The following TRIP12 variants were observed in gnomAD, a reference collection of about 807,000 sequenced individuals.
TRIP12 encodes the protein thyroid hormone receptor interactor 12.
Under a neutral mutation model 244.2 loss-of-function variants are expected in TRIP12, and 25 were observed. The ratio of observed to expected loss-of-function variants is 0.10; its 90% CI spans 0.07 to 0.14. TRIP12 has a LOEUF of 0.14. Ranked by LOEUF, TRIP12 falls within the 10% of genes least tolerant of loss-of-function variation. TRIP12 has a pLI of 1.00. For missense variants in TRIP12, 1,677 were observed against 2,486.4 expected (o/e 0.67, Z 6.92); for synonymous variants, 905 against 873.1 (o/e 1.04, Z -0.64).
chr2:229,814,336 A>AT lies in TRIP12; in HGVS notation c.1732-12dup, dbSNP rs1210562593. The AT allele has an allele frequency of 2.5e-6, 4 of 1,610,454 alleles. No homozygotes were observed. The Admixed American group carries it at 5.0e-5, about 20-fold the overall frequency. ...CTGAATAACTTGCAGCTGGGAACAT[A>AT]TATATAGTTACCATAAGGTTATCAT... On this transcript the variant is annotated splice_polypyrimidine_tract_variant and intron_variant, in intron 11 of 41. Coordinates refer to ENST00000675903, the MANE Select transcript of TRIP12 (RefSeq NM_001348323.3).
At chr2:229,791,642 C>T (rs959111684) in intron 29 of TRIP12, 13 of 558,364 alleles carry the variant, frequency 2.3e-5, no homozygotes, top group Non-Finnish European at 3.7e-5. Flanking sequence ...AGATGTAAAC[C>T]ATGATTACTG....
At chr2:229,813,685 G>A (rs1268985061) in intron 13 of TRIP12, among the ~76,000 whole-genome samples, 185 bp downstream of exon 13, 1 of 152,160 alleles carries the variant, frequency 6.6e-6, no homozygotes, top group Non-Finnish European at 1.5e-5. Context: ...TCGGGAAGCT[G>A]AGGCAGGAGA....
At position 229,778,840 on chromosome 2, in the gene TRIP12, G is replaced by GT; in HGVS notation, c.5209+35dup. 6.3e-7 allele frequency: 1 copy of GT among 1,580,078 alleles called. No individual in the cohort carries two copies. The highest frequency in any genetic ancestry group is 8.7e-7 in the Non-Finnish European group (1 of 1,149,342). ...TGTCAGAGTCCATTACCTGATCTGA[G>GT]TAACACAAACCAACTAACTTACAGA... On this transcript the variant is annotated intron_variant, in intron 35 of 41. Coordinates refer to ENST00000675903, the MANE Select transcript of TRIP12 (RefSeq NM_001348323.3). The surrounding 1 kb of genome is among the most constrained non-coding windows in gnomAD (Gnocchi z 4.1).
In TRIP12 at chr2:229,864,075, T is replaced by TGTGTGC. The variant is rs1294899764; in HGVS notation, c.99-3545_99-3544insGCACAC. 6.2e-5 allele frequency among the ~76,000 whole-genome samples: 9 copies of TGTGTGC among 146,112 alleles called. No individual in the cohort carries two copies. The South Asian group carries it at 1.5e-3, about 25-fold the overall frequency. ...GTGTGTGTGTGTGTGTGTGTGTGTG[T>TGTGTGC]GTGCACGCGCACACGTGCACACATG... On this transcript the variant is annotated intron_variant, in intron 2 of 41. Transcript: ENST00000675903.
chr2:229,792,858 C>A, intron 27 of TRIP12, 115 bp downstream of exon 27: 11 of 1,082,576 alleles, frequency 1.0e-5, no homozygotes, highest in Non-Finnish European at 1.4e-5. Flanking sequence ...TAAGTTCCTG[C>A]CATCTATTTT....
intron 2 of TRIP12, among the ~76,000 whole-genome samples, chr2:229,863,180 G>C (rs765175289): frequency 6.7e-6 from 1 of 148,602 alleles, no homozygotes; most frequent in Non-Finnish European, 1.5e-5. Flanking sequence ...AGTGAGCCGC[G>C]ATCGTGTCAC....
intron 2 of TRIP12, among the ~76,000 whole-genome samples, chr2:229,863,763 TCA>T (rs2060867004): frequency 6.6e-6 from 1 of 152,216 alleles, no homozygotes; most frequent in South Asian, 2.1e-4. Flanking sequence ...ATCACAGTAT[TCA>T]GAGGTAAAGG....
chr2:229,856,555 G>A (rs1045942121), intron 4 of TRIP12, among the ~76,000 whole-genome samples: 1 of 152,182 alleles, frequency 6.6e-6, no homozygotes, highest in African/African-American at 2.4e-5. Context: ...GCTATTGCCT[G>A]GCCCTAGAAC....
chr2:229,851,093 G>A (rs2154327355), intron 4 of TRIP12, among the ~76,000 whole-genome samples: 1 of 152,356 alleles, frequency 6.6e-6, no homozygotes, highest in East Asian at 1.9e-4. Flanking sequence ...CAAGGGCTGA[G>A]GAGTCCGAGC....
chr2:229,782,417 T>A (rs1050370711), intron 34 of TRIP12, among the ~76,000 whole-genome samples: 1 of 152,116 alleles, frequency 6.6e-6, no homozygotes, highest in African/African-American at 2.4e-5. Flanking sequence ...TCTCTTTCAC[T>A]AAGGTCTAAC....
chr2:229,811,057 C>T lies in TRIP12; in HGVS notation c.2056-12G>A. 1 of 1,613,718 alleles carries T rather than the reference C, an allele frequency of 6.2e-7. No individual in the cohort carries two copies. Among genetic ancestry groups the T allele is most frequent in the South Asian group, 1.1e-5 (1 of 91,026 alleles). On this transcript the variant is annotated splice_polypyrimidine_tract_variant and intron_variant, in intron 14 of 41. Transcript: ENST00000675903. ...TGCTGGAGTAAATTCTTCACAAACA[C>T]AAGAATAAAGGAATTATTACATCAA...
intron 34 of TRIP12, among the ~76,000 whole-genome samples, chr2:229,783,192 T>A (rs2038851791): frequency 6.6e-6 from 1 of 152,240 alleles, no homozygotes; most frequent in Non-Finnish European, 1.5e-5. Context: ...ATAATTTGAA[T>A]AGTATTTCAC....
chr2:229,910,840 G>A (rs979997732), intron 1 of TRIP12, among the ~76,000 whole-genome samples: 3 of 152,180 alleles, frequency 2.0e-5, no homozygotes, highest in Admixed American at 2.0e-4. Context: ...GCCAGAATGT[G>A]AAAATCAACA....
At position 229,766,797 on chromosome 2, in the gene TRIP12, T is replaced by C. The variant is rs11889552; in HGVS notation, c.*757A>G. On this transcript the variant is annotated 3_prime_UTR_variant, in exon 42 of 42. Transcript: ENST00000675903. ...GAGGCTGTTGCTGCTGGAATTGCCA[T>C]GTAAACAGTCCTTAGTGTGTCACCT... 6.6e-6 allele frequency: 1 copy of C among 152,170 alleles called. No homozygotes were observed. Among genetic ancestry groups the C allele is most frequent in the Non-Finnish European group, 1.5e-5 (1 of 68,036 alleles). 9.4% of individuals were successfully genotyped at this position (152,170 alleles called of 1,614,324 possible).
At chr2:229,885,088 T>G (rs1346227417) in intron 1 of TRIP12, among the ~76,000 whole-genome samples, 2 of 151,888 alleles carry the variant, frequency 1.3e-5, no homozygotes, top group Non-Finnish European at 2.9e-5. Context: ...TTTACTGTGA[T>G]TTTTCTATGT....
chr2:229,778,666 G>A lies in TRIP12; in HGVS notation c.5210-79C>T. The A allele has an allele frequency of 6.4e-7, 1 of 1,550,950 alleles. No homozygotes were observed. On this transcript the variant is annotated intron_variant, in intron 35 of 41. Coordinates refer to ENST00000675903, the MANE Select transcript of TRIP12 (RefSeq NM_001348323.3). The surrounding 1 kb of genome is among the most constrained non-coding windows in gnomAD (Gnocchi z 4.1). ...AAACCTGGTAACTAAGAACATTTAA[G>A]AAATTAAGCATTCTCAAAATTGGAG...
rs1449032527 is a variant in TRIP12, at chr2:229,766,801, A to T, written c.*753T>A. On this transcript the variant is annotated 3_prime_UTR_variant, in exon 42 of 42. Coordinates refer to ENST00000675903, the MANE Select transcript of TRIP12 (RefSeq NM_001348323.3). ...CTGTTGCTGCTGGAATTGCCATGTAAACAGTCCTTAGTGTGTCACCTGGGA... is the reference window on the plus strand; with the variant it reads ...CTGTTGCTGCTGGAATTGCCATGTATACAGTCCTTAGTGTGTCACCTGGGA... The T allele has an allele frequency of 6.6e-6, 1 of 152,230 alleles. No individual in the cohort carries two copies. The highest frequency in any genetic ancestry group is 1.5e-5 in the Non-Finnish European group (1 of 68,042). 9.4% of individuals were successfully genotyped at this position (152,230 alleles called of 1,614,324 possible).
chr2:229,780,761 T>G (rs2037882117), intron 34 of TRIP12, among the ~76,000 whole-genome samples: 1 of 152,212 alleles, frequency 6.6e-6, no homozygotes, highest in Non-Finnish European at 1.5e-5. Context: ...TTTTTACTTT[T>G]CTTCCACATG....
intron 2 of TRIP12, among the ~76,000 whole-genome samples, chr2:229,874,295 T>A (rs955827784): frequency 1.2e-4 from 19 of 152,138 alleles, no homozygotes; most frequent in Non-Finnish European, 5.9e-5. Flanking sequence ...TATGCTCTAT[T>A]GACTAGGATT....
Sources: gnomAD v4.1 joint callset for allele counts (sites outside exome capture counted in the v4.1 genomes callset) on GRCh38, gnomAD v4.1.1 for gene constraint, Gnocchi (gnomAD v3.1) non-coding constraint, MANE v1.5 for transcripts, NCBI Gene and HGNC (gene_info 2026-07-23, HGNC 2026-07-21) for gene names.